Variants in AOPEP observed in about 807,000 individuals in gnomAD.
AOPEP encodes aminopeptidase O.
In AOPEP, 77 loss-of-function variants were observed where a neutral mutation model predicts 98.1. The observed-to-expected ratio is 0.78, with a 90% CI of 0.65 to 0.95. The LOEUF is 0.95. AOPEP is among the 40% of genes least tolerant of loss of function. AOPEP has a pLI of 0.00. For synonymous variants in AOPEP, 346 were observed against 365.3 expected (o/e 0.95, Z 0.60); for missense variants, 1,024 against 1,024.7 (o/e 1.00, Z 0.01).
At chr9:94,985,663 A>T (rs572653741) in intron 11 of AOPEP, among the ~76,000 whole-genome samples, 1 of 152,212 alleles carries the variant, frequency 6.6e-6, no homozygotes. Context: ...ATGAACTACG[A>T]TATGTTTGCT....
the AOPEP span, chr9:95,111,117 C>T: frequency 1.3e-6 from 2 of 1,531,868 alleles, no homozygotes; most frequent in Non-Finnish European, 1.7e-6. Flanking sequence ...CGGCACACCC[C>T]TCAGAACAGC....
rs139841080 is a variant in AOPEP at position 95,082,796 on chromosome 9, C to T, written c.*4+77C>T. 8.5e-6 allele frequency: 13 copies of T among 1,526,990 alleles called. No homozygotes were observed. The African/African-American group carries it at 9.5e-5, about 11-fold the overall frequency. The allele number at this position is 1,526,990 out of a possible 1,614,324, so 94.6% of individuals were successfully genotyped here. A position where few individuals can be genotyped will look rare whatever the true frequency, so the allele number is the denominator to read the frequency against. On this transcript the variant is annotated intron_variant, in intron 16 of 16. Coordinates refer to ENST00000375315, the MANE Select transcript of AOPEP (RefSeq NM_001193329.3). ...TTAGGAGCCAACTAAATCAGTAAGC[C>T]GAATAGTTAGCCAAGACTACCCGCA...
chr9:94,867,429 C>T (rs2045832872), intron 5 of AOPEP, among the ~76,000 whole-genome samples: 1 of 152,210 alleles, frequency 6.6e-6, no homozygotes, highest in African/African-American at 2.4e-5. Context: ...ACTTCAGTGT[C>T]AGCCTCAGCA....
At chr9:95,117,942 G>A in the AOPEP span, among the ~76,000 whole-genome samples, 11 of 152,072 alleles carry the variant, frequency 7.2e-5, no homozygotes, top group Non-Finnish European at 1.5e-4. Flanking sequence ...GGCTGGTCTC[G>A]AACTCCCGAC....
chr9:94,982,605 G>A (rs890366740), intron 11 of AOPEP, among the ~76,000 whole-genome samples: 1 of 135,620 alleles, frequency 7.4e-6, no homozygotes, highest in Admixed American at 8.0e-5. Context: ...GTCTCACTGT[G>A]TCACCCAGGC....
intron 13 of AOPEP, among the ~76,000 whole-genome samples, chr9:95,027,501 CT>C: frequency 6.6e-6 from 1 of 151,646 alleles, no homozygotes; most frequent in East Asian, 1.9e-4. Context: ...ATTTTGAATT[CT>C]TTTTTTTAGT....
chr9:94,913,032 T>G (rs1291503342), intron 5 of AOPEP, among the ~76,000 whole-genome samples: 1 of 152,192 alleles, frequency 6.6e-6, no homozygotes, highest in African/African-American at 2.4e-5. Flanking sequence ...CCGGGTGCCT[T>G]TCAGATCACA....
intron 6 of AOPEP, among the ~76,000 whole-genome samples, chr9:94,925,278 C>G (rs1467088947): frequency 6.6e-6 from 1 of 152,214 alleles, no homozygotes; most frequent in African/African-American, 2.4e-5. Flanking sequence ...CGTGAGCCAC[C>G]GCGCCCAGCC....
chr9:94,928,347 C>T (rs940765708), intron 6 of AOPEP, 78 bp from the exon 7 acceptor site: 4 of 1,039,910 alleles, frequency 3.8e-6, no homozygotes, highest in Non-Finnish European at 5.6e-6. Flanking sequence ...CCCATTGAAA[C>T]AAAGTGAGCC....
chr9:94,773,378 A>C (rs796472821), intron 3 of AOPEP: 3 of 419,362 alleles, frequency 7.2e-6, no homozygotes, highest in African/African-American at 5.9e-5. Context: ...TCTTCATACT[A>C]GAGTTGTCGG....
At chr9:94,872,221 C>T (rs1034718141) in intron 5 of AOPEP, among the ~76,000 whole-genome samples, 5 of 151,942 alleles carry the variant, frequency 3.3e-5, no homozygotes, top group Non-Finnish European at 5.9e-5. Context: ...GATGGCAGGG[C>T]GAACCATCAC....
chr9:94,751,427 GCTA>G (rs577220882), intron 1 of AOPEP, among the ~76,000 whole-genome samples: 65 of 152,284 alleles, frequency 4.3e-4, no homozygotes, highest in Non-Finnish European at 7.5e-4. Context: ...TGTTTGTTGT[GCTA>G]CTAAGAAGCA....
intron 5 of AOPEP, among the ~76,000 whole-genome samples, chr9:94,879,320 A>G (rs968813123): frequency 2.6e-5 from 4 of 152,262 alleles, no homozygotes; most frequent in African/African-American, 7.2e-5. Context: ...TTAGTTCAGC[A>G]TATGTGCAGG....
chr9:95,038,299 G>C (rs1382129577), intron 13 of AOPEP, among the ~76,000 whole-genome samples: 1 of 152,212 alleles, frequency 6.6e-6, no homozygotes, highest in Non-Finnish European at 1.5e-5. Flanking sequence ...CAGACTGTAG[G>C]TGAAGGAACA....
the AOPEP span, among the ~76,000 whole-genome samples, chr9:95,117,086 G>GT: frequency 8.5e-5 from 13 of 152,280 alleles, no homozygotes; most frequent in African/African-American, 2.9e-4. Flanking sequence ...AGAGGCCATT[G>GT]TTTTTTTGTT....
intron 13 of AOPEP, among the ~76,000 whole-genome samples, chr9:95,025,305 T>G (rs563570572): frequency 6.6e-6 from 1 of 152,340 alleles, no homozygotes; most frequent in East Asian, 1.9e-4. Flanking sequence ...CATATGCTGG[T>G]GTCCCCCTAC....
At chr9:94,889,298 AT>A (rs2048608571) in intron 5 of AOPEP, among the ~76,000 whole-genome samples, 1 of 151,626 alleles carries the variant, frequency 6.6e-6, no homozygotes, top group African/African-American at 2.4e-5. Flanking sequence ...ACTCAGCATA[AT>A]TTTTTTGAGA....
intron 5 of AOPEP, among the ~76,000 whole-genome samples, chr9:94,895,229 T>TAAAAAAAAAAA (rs1486733465): frequency 4.0e-5 from 1 of 25,262 alleles, no homozygotes; most frequent in African/African-American, 7.5e-5. Flanking sequence ...TAAAAAAAAA[T>TAAAAAAAAAAA]AAAATAAAAT....
chr9:94,995,263 G>C (rs1193891039), intron 11 of AOPEP, among the ~76,000 whole-genome samples: 2 of 152,104 alleles, frequency 1.3e-5, no homozygotes, highest in African/African-American at 2.4e-5. Flanking sequence ...AATTTACTTA[G>C]GTTCAAAATA....
Sources: gnomAD v4.1 joint callset for allele counts (sites outside exome capture counted in the v4.1 genomes callset) on GRCh38, gnomAD v4.1.1 for gene constraint, MANE v1.5 for transcripts, NCBI Gene and HGNC (gene_info 2026-07-23, HGNC 2026-07-21) for gene names.